Variants in CSMD1 observed in about 807,000 individuals in gnomAD.
CSMD1 encodes the protein CUB and Sushi multiple domains 1, also known as CUB and sushi domain-containing protein 1.
In CSMD1, 213 loss-of-function variants were observed where a neutral mutation model predicts 417.5. The ratio of observed to expected loss-of-function variants is 0.51; its 90% CI spans 0.46 to 0.57. CSMD1 has a LOEUF of 0.57. Ranked by LOEUF, CSMD1 falls within the 20% of genes least tolerant of loss-of-function variation. CSMD1 has a pLI of 0.00. For missense variants in CSMD1, 6,923 were observed against 4,529.7 expected (o/e 1.53, Z -15.17); for synonymous variants, 2,862 against 1,736.8 (o/e 1.65, Z -16.11).
At chr8:3,727,315 C>T (rs762848540) in intron 6 of CSMD1, among the ~76,000 whole-genome samples, 1 of 152,152 alleles carries the variant, frequency 6.6e-6, no homozygotes, top group African/African-American at 2.4e-5. Context: ...GCAGAGCCTC[C>T]CGCCTGAACG....
At chr8:4,898,934 T>A (rs1804683248) in intron 1 of CSMD1, among the ~76,000 whole-genome samples, 1 of 152,226 alleles carries the variant, frequency 6.6e-6, no homozygotes, top group Admixed American at 6.5e-5. Flanking sequence ...ATAATGAATT[T>A]TATTCTGAGA....
intron 5 of CSMD1, among the ~76,000 whole-genome samples, chr8:3,866,455 G>C (rs1487990700): frequency 6.6e-6 from 1 of 152,162 alleles, no homozygotes; most frequent in Non-Finnish European, 1.5e-5. Flanking sequence ...TTTAAATAGT[G>C]TGTGCTTGTG....
intron 10 of CSMD1, among the ~76,000 whole-genome samples, chr8:3,521,154 A>G (rs918760447): frequency 8.9e-6 from 1 of 112,906 alleles, no homozygotes; most frequent in Admixed American, 1.1e-4. Context: ...ACTGAAAATG[A>G]ATGTATTTAT....
At chr8:3,088,113 C>T (rs1814674364) in intron 48 of CSMD1, among the ~76,000 whole-genome samples, 1 of 152,194 alleles carries the variant, frequency 6.6e-6, no homozygotes, top group South Asian at 2.1e-4. Context: ...TAGCTTTAAT[C>T]ATCCCTCTTT....
At chr8:3,511,687 G>A (rs372915146) in intron 10 of CSMD1, among the ~76,000 whole-genome samples, 19 of 151,724 alleles carry the variant, frequency 1.3e-4, no homozygotes, top group Admixed American at 8.5e-4. Context: ...GAACTGGGGC[G>A]GTGGAGGTTG....
At position 4,396,304 on chromosome 8, in the gene CSMD1, A is replaced by G. The variant is rs900851188; in HGVS notation, c.415+23649T>C. Among the ~76,000 whole-genome samples, 3 of 65,682 alleles carry G rather than the reference A, an allele frequency of 4.6e-5. No homozygotes were observed. The African/African-American group carries it at 4.9e-4, about 11-fold the overall frequency. 43.1% of individuals were successfully genotyped at this position (65,682 alleles called of 152,430 possible). A position where few individuals can be genotyped will look rare whatever the true frequency, so the allele number is the denominator to read the frequency against. ...CAGTGAGACATCATCTCTTAAAAGT[A>G]AAAAAAAAAAAAAATAGCCAGGCAT... is the stretch of plus-strand genomic sequence containing the variant. On this transcript the variant is annotated intron_variant, in intron 3 of 69. Coordinates refer to ENST00000635120, the MANE Select transcript of CSMD1 (RefSeq NM_033225.6).
intron 5 of CSMD1, among the ~76,000 whole-genome samples, chr8:3,831,226 TA>T (rs765847215): frequency 6.6e-6 from 1 of 151,750 alleles, no homozygotes; most frequent in African/African-American, 2.4e-5. Flanking sequence ...GAAAGTTAAA[TA>T]AAAAAAACAA....
intron 3 of CSMD1, among the ~76,000 whole-genome samples, chr8:4,061,846 T>C (rs984199336): frequency 9.9e-5 from 15 of 152,236 alleles, no homozygotes; most frequent in Non-Finnish European, 1.9e-4. Context: ...ATACACTGTA[T>C]AGATGTAGGT....
chr8:4,370,557 T>C (rs1802337626), intron 3 of CSMD1, among the ~76,000 whole-genome samples: 1 of 152,252 alleles, frequency 6.6e-6, no homozygotes, highest in Non-Finnish European at 1.5e-5. Flanking sequence ...GCTCTCTTTC[T>C]CTTGCTGGAA....
chr8:3,109,970 A>ATG (rs753296686), intron 43 of CSMD1, among the ~76,000 whole-genome samples, 188 bp downstream of exon 43: 9 of 152,122 alleles, frequency 5.9e-5, no homozygotes, highest in Non-Finnish European at 1.3e-4. Context: ...TATTTCTACC[A>ATG]TGTAGCAAAA....
intron 1 of CSMD1, among the ~76,000 whole-genome samples, chr8:4,938,842 G>C (rs1212265271): frequency 6.6e-6 from 1 of 152,142 alleles, no homozygotes; most frequent in African/African-American, 2.4e-5. Flanking sequence ...ATTGAAACAG[G>C]TGTAACGTGA....
chr8:4,966,638 C>T (rs4523278), intron 1 of CSMD1, among the ~76,000 whole-genome samples: 78,058 of 151,948 alleles, frequency 0.51, 20,656 homozygotes, highest in Middle Eastern at 0.63. Flanking sequence ...TGTACAAACA[C>T]AGAAGGATGG....
intron 28 of CSMD1, among the ~76,000 whole-genome samples, chr8:3,220,150 C>CAAAAAAAAAAAAAAAAAAA (rs756296256): frequency 2.6e-5 from 3 of 114,174 alleles, no homozygotes; most frequent in African/African-American, 1.0e-4. Flanking sequence ...AAGACCCTGT[C>CAAAAAAAAAAAAAAAAAAA]AAAAAAAAAA....
At chr8:3,894,802 G>T (rs1807244631) in intron 5 of CSMD1, among the ~76,000 whole-genome samples, 1 of 152,138 alleles carries the variant, frequency 6.6e-6, no homozygotes, top group African/African-American at 2.4e-5. Context: ...TAAATATTTA[G>T]GTGCTCTAAT....
At chr8:3,865,240 A>G (rs1805003247) in intron 5 of CSMD1, among the ~76,000 whole-genome samples, 1 of 152,196 alleles carries the variant, frequency 6.6e-6, no homozygotes, top group Non-Finnish European at 1.5e-5. Context: ...GTCCTCAACT[A>G]CCAACCAAGT....
chr8:3,284,214 G>T lies in CSMD1; in HGVS notation c.4083C>A (p.Phe1361Leu). The change falls in exon 26 of 70, where the codon TTC (phenylalanine) becomes TTA (leucine). Residue 1361 changes from phenylalanine (F) to leucine (L), a missense_variant. Phe to Leu is a conservative substitution (Grantham distance 22). Transcript: ENST00000635120. ...TGTCGAACTGCAGGGTGAGTGAGTT[G>T]AAGGTGCTGTGGATGTCCTCCGGAA... ...SALPEDIHST[F>L]NSLTLQFDSD... 6.2e-7 allele frequency: 1 copy of T among 1,610,904 alleles called. No individual in the cohort carries two copies. The highest frequency in any genetic ancestry group is 8.5e-7 in the Non-Finnish European group (1 of 1,178,582).
intron 5 of CSMD1, among the ~76,000 whole-genome samples, chr8:3,787,178 A>G (rs1584997571): frequency 6.6e-6 from 1 of 152,194 alleles, no homozygotes; most frequent in Admixed American, 6.5e-5. Flanking sequence ...CACTTTCTAG[A>G]AAGGAAAAAA....
intron 5 of CSMD1, among the ~76,000 whole-genome samples, chr8:3,979,651 T>C (rs1487172067): frequency 6.6e-6 from 1 of 152,142 alleles, no homozygotes; most frequent in Non-Finnish European, 1.5e-5. Context: ...CTCCCCGCCT[T>C]GTGAAGACGC....
intron 1 of CSMD1, among the ~76,000 whole-genome samples, chr8:4,639,048 C>T (rs572516108): frequency 4.6e-5 from 7 of 152,110 alleles, no homozygotes; most frequent in African/African-American, 1.7e-4. Context: ...ACCTGACCCA[C>T]CTATTCTATT....
Sources: allele counts gnomAD v4.1 joint callset (sites outside exome capture counted in the v4.1 genomes callset), GRCh38; gene constraint gnomAD v4.1.1; transcripts MANE v1.5; gene names NCBI Gene and HGNC (gene_info 2026-07-23, HGNC 2026-07-21).